KLHL4: variants seen among roughly 807,000 people sequenced by gnomAD.
KLHL4 encodes kelch like family member 4, also known as kelch-like protein 4.
Under a neutral mutation model 45.8 loss-of-function variants are expected in KLHL4, and 17 were observed. That is an observed-to-expected ratio of 0.37 (90% CI 0.25 to 0.56). The LOEUF is 0.56. Ranked by LOEUF, KLHL4 falls within the 20% of genes least tolerant of loss-of-function variation. KLHL4 has a pLI of 0.79. For missense variants in KLHL4, 544 were observed against 544.9 expected, an observed-to-expected ratio of 1.00 and a Z score of 0.02; for synonymous variants, 224 against 189.9, an observed-to-expected ratio of 1.18 and a Z score of -1.47.
intron 1 of KLHL4, among the ~76,000 whole-genome samples, chrX:87,540,464 G>A (rs1442123053): frequency 1.8e-5 from 2 of 111,204 alleles, no homozygotes; most frequent in Non-Finnish European, 3.8e-5. Context: ...GTATTTTTCT[G>A]TTTTTTACAT....
intron 1 of KLHL4, among the ~76,000 whole-genome samples, chrX:87,598,263 G>C (rs1029149074): frequency 9.0e-6 from 1 of 110,696 alleles, no homozygotes; most frequent in African/African-American, 3.3e-5. Flanking sequence ...TGTCTTCTCT[G>C]TATGTGGTAT....
At chrX:87,539,353 T>C (rs934407479) in intron 1 of KLHL4, among the ~76,000 whole-genome samples, 1 of 110,577 alleles carries the variant, frequency 9.0e-6, no homozygotes, top group Non-Finnish European at 1.9e-5. Flanking sequence ...AAATATACCA[T>C]GTTTTTCTCC....
At chrX:87,630,458 TG>T (rs1281536225) in intron 6 of KLHL4, among the ~76,000 whole-genome samples, 1 of 111,257 alleles carries the variant, frequency 9.0e-6, no homozygotes, top group Non-Finnish European at 1.9e-5. Context: ...TGTGCCATGT[TG>T]GTGTGCTGCA....
chrX:87,666,610 A>G lies in KLHL4; in HGVS notation c.*76A>G, dbSNP rs1326055692. 16 of 1,033,575 alleles carry G rather than the reference A, an allele frequency of 1.5e-5. No individual in the cohort carries two copies. The highest frequency in any genetic ancestry group is 3.4e-5 in the East Asian group (1 of 29,272). The allele number at this position is 1,033,575 out of a possible 1,213,427, so 85.2% of individuals were successfully genotyped here. ...GAGTAGGACAAAGGGAGAAAGAAATACATGTTCTTTTTCCTGCAATTAATA... is the reference window on the plus strand; with the variant it reads ...GAGTAGGACAAAGGGAGAAAGAAATGCATGTTCTTTTTCCTGCAATTAATA... On this transcript the variant is annotated 3_prime_UTR_variant, in exon 11 of 11. Transcript: ENST00000373119.
chrX:87,564,150 G>A (rs891227972), intron 1 of KLHL4, among the ~76,000 whole-genome samples: 7 of 111,305 alleles, frequency 6.3e-5, no homozygotes, highest in African/African-American at 2.3e-4. Context: ...ATACAGAATA[G>A]TATAACACTG....
chrX:87,664,976 T>C, intron 10 of KLHL4, 41 bp downstream of exon 10: 2 of 883,206 alleles, frequency 2.3e-6, no homozygotes, highest in Non-Finnish European at 3.2e-6. Flanking sequence ...ATTTCAGGTT[T>C]TAAAAAGAAG....
chrX:87,640,308 A>G (rs1923410651), intron 9 of KLHL4, among the ~76,000 whole-genome samples: 1 of 111,924 alleles, frequency 8.9e-6, no homozygotes, highest in African/African-American at 3.2e-5. Context: ...TCCAAAAGAT[A>G]GAGAAAAAGG....
chrX:87,555,150 G>A (rs1227198147), intron 1 of KLHL4, among the ~76,000 whole-genome samples: 7 of 103,408 alleles, frequency 6.8e-5, no homozygotes, highest in African/African-American at 2.5e-4. Context: ...TTGCATCAAT[G>A]TTCATCAAGG....
intron 1 of KLHL4, among the ~76,000 whole-genome samples, chrX:87,604,061 C>A (rs1035993142): frequency 1.8e-5 from 2 of 110,776 alleles, no homozygotes. Flanking sequence ...TCATAAGCGG[C>A]AGGATTTTAA....
intron 1 of KLHL4, among the ~76,000 whole-genome samples, chrX:87,563,909 T>C (rs190060849): frequency 1.6e-4 from 18 of 110,816 alleles, no homozygotes; most frequent in African/African-American, 5.9e-4. Context: ...GGCAGCTGAC[T>C]TTCCTAGACA....
At chrX:87,573,537 T>C (rs1921003304) in intron 1 of KLHL4, among the ~76,000 whole-genome samples, 1 of 111,141 alleles carries the variant, frequency 9.0e-6, no homozygotes, top group Non-Finnish European at 1.9e-5. Flanking sequence ...GGGAATTTAG[T>C]TGATGGGGGC....
In KLHL4 at chrX:87,667,430, A is replaced by C. The variant is rs1283328995; in HGVS notation, c.*896A>C. 2 of 693,069 alleles carry C rather than the reference A, an allele frequency of 2.9e-6. No individual in the cohort carries two copies. Among genetic ancestry groups the C allele is most frequent in the East Asian group, 3.2e-4 (2 of 6,294 alleles). 57.1% of individuals were successfully genotyped at this position (693,069 alleles called of 1,213,427 possible). On this transcript the variant is annotated 3_prime_UTR_variant, in exon 11 of 11. Transcript: ENST00000373119. ...GTTTTCAAAAACAAAACAATTTTTA[A>C]AGTACCTTAAAATTGAGGATGTTAC...
intron 9 of KLHL4, among the ~76,000 whole-genome samples, chrX:87,641,100 T>C (rs1923444159): frequency 9.0e-6 from 1 of 111,564 alleles, no homozygotes; most frequent in Non-Finnish European, 1.9e-5. Context: ...GAGGCTCGCA[T>C]TGTGAATTTT....
At chrX:87,653,513 CT>C (rs1923888586) in intron 9 of KLHL4, among the ~76,000 whole-genome samples, 2 of 111,883 alleles carry the variant, frequency 1.8e-5, no homozygotes, top group Admixed American at 1.9e-4. Context: ...AATAGGAATG[CT>C]TTTACACTGT....
At chrX:87,627,920 C>A (rs222076) in intron 6 of KLHL4, among the ~76,000 whole-genome samples, 29,366 of 109,546 alleles carry the variant, frequency 0.27, 3,143 homozygotes, top group Non-Finnish European at 0.33. Flanking sequence ...GAATGTATTA[C>A]AACAAATGTT....
At chrX:87,538,796 T>C (rs1931488079) in intron 1 of KLHL4, among the ~76,000 whole-genome samples, 1 of 111,505 alleles carries the variant, frequency 9.0e-6, no homozygotes, top group African/African-American at 3.2e-5. Flanking sequence ...ACTTCAGGAA[T>C]TTATTGTTAG....
chrX:87,599,298 C>T (rs1365644261), intron 1 of KLHL4, among the ~76,000 whole-genome samples: 1 of 110,962 alleles, frequency 9.0e-6, no homozygotes, highest in Non-Finnish European at 1.9e-5. Flanking sequence ...TGATATGTTG[C>T]ATTCCTTAAT....
chrX:87,583,834 C>T (rs1921369097), intron 1 of KLHL4, among the ~76,000 whole-genome samples: 1 of 110,612 alleles, frequency 9.0e-6, no homozygotes, highest in Admixed American at 9.6e-5. Context: ...AACTTAGGTA[C>T]CAGCATGACC....
chrX:87,618,123 A>G lies in KLHL4; in HGVS notation c.919A>G (p.Thr307Ala). 3.4e-6 allele frequency: 4 copies of G among 1,176,174 alleles called. No individual in the cohort carries two copies. Among genetic ancestry groups the G allele is most frequent in the Admixed American group, 2.3e-5 (1 of 42,887 alleles). Residue 307 changes from threonine to alanine, a missense_variant, in exon 4 of 11, where the codon ACT (threonine) becomes GCT (alanine). Physicochemically the swap from Thr to Ala is moderately conservative, Grantham distance 58. Coordinates refer to ENST00000373119, the MANE Select transcript of KLHL4 (RefSeq NM_019117.5). ...TELLNVAHKY[T>A]MEHFIEVIKN... ...ACTTCTGAACGTGGCACACAAATAC[A>G]CTATGGTAAAATCAATTGCTTCAAC...
Sources: gnomAD v4.1 joint callset for allele counts (sites outside exome capture counted in the v4.1 genomes callset) on GRCh38, gnomAD v4.1.1 for gene constraint, MANE v1.5 for transcripts, NCBI Gene and HGNC (gene_info 2026-07-23, HGNC 2026-07-21) for gene names.